Variants in SLC25A46 observed in about 807,000 individuals in gnomAD.
The protein encoded by SLC25A46 is solute carrier family 25 member 46.
In SLC25A46, 39 loss-of-function variants were observed where a neutral mutation model predicts 44.6. That is an observed-to-expected ratio of 0.87 (90% CI 0.68 to 1.14). The LOEUF is 1.14. Among genes scored for constraint, SLC25A46 ranks in the 50% most tolerant of loss-of-function variants. The probability of loss-of-function intolerance (pLI) is 0.00; values close to 1 mark genes in which losing one functional copy is unlikely to be tolerated. For missense variants in SLC25A46, 547 were observed against 522.7 expected (o/e 1.05, Z -0.45); for synonymous variants, 202 against 185.8 (o/e 1.09, Z -0.71).
At chr5:110,752,986 G>C (rs1300458865) in intron 5 of SLC25A46, among the ~76,000 whole-genome samples, 1 of 152,142 alleles carries the variant, frequency 6.6e-6, no homozygotes, top group Non-Finnish European at 1.5e-5. Context: ...GGAGAGACCA[G>C]AAGGCAGGAT....
chr5:110,742,779 C>T (rs244411), intron 2 of SLC25A46, among the ~76,000 whole-genome samples: 129,381 of 151,994 alleles, frequency 0.85, 55,513 homozygotes, highest in East Asian at 0.92. Flanking sequence ...AGATTTTGTT[C>T]ATAATCAGCG....
chr5:110,741,206 T>C (rs756092515), intron 1 of SLC25A46, among the ~76,000 whole-genome samples: 3 of 152,198 alleles, frequency 2.0e-5, no homozygotes, highest in Non-Finnish European at 4.4e-5. Context: ...GGGGTTGTAA[T>C]AGTTCACCAC....
rs571078471 is a variant in SLC25A46, at chr5:110,761,382, T to A, written c.857T>A (p.Val286Asp). ...ATCAGCTCAGTTATTCAGAAGTTTG[T>A]CCTACTAATTCTAAAGAGAAAGACT... ...YIISSVIQKF[V>D]LLILKRKTYN... is the part of the protein sequence containing the mutation. The change falls in exon 8 of 8, where the codon GTC (valine) becomes GAC (aspartate). Residue 286 changes from valine to aspartate, a missense_variant. Coordinates refer to ENST00000355943, the MANE Select transcript of SLC25A46 (RefSeq NM_138773.4). This position sits in a 1 kb window ranked among gnomAD's most constrained non-coding sequence, Gnocchi z 5.3. The A allele has an allele frequency of 6.2e-7, 1 of 1,613,746 alleles. No homozygotes were observed. The highest frequency in any genetic ancestry group is 8.5e-7 in the Non-Finnish European group (1 of 1,179,784).
rs780651975 is a variant in SLC25A46, at chr5:110,761,341, A to G, written c.816A>G (p.Gly272=). 2.5e-6 allele frequency: 4 copies of G among 1,613,666 alleles called. No individual in the cohort carries two copies. The South Asian group carries it at 4.4e-5, about 18-fold the overall frequency. The change falls in exon 8 of 8, where the codon GGA becomes GGG. Residue 272 remains glycine, a synonymous_variant. Coordinates refer to ENST00000355943, the MANE Select transcript of SLC25A46 (RefSeq NM_138773.4). This position sits in a 1 kb window ranked among gnomAD's most constrained non-coding sequence, Gnocchi z 5.3. ...LSLIFPTVLH[G]VLHYIISSVI... The stretch of plus-strand genomic sequence containing the variant: ...TGATCTTCCCTACGGTGCTTCATGG[A>G]GTTCTTCATTACATCATCAGCTCAG...
intron 5 of SLC25A46, among the ~76,000 whole-genome samples, chr5:110,752,768 A>C (rs1463648172): frequency 3.9e-5 from 6 of 152,140 alleles, no homozygotes. Flanking sequence ...ATCCAGATGG[A>C]GTTGTCTGTA....
chr5:110,755,833 A>T (rs1800097630), intron 6 of SLC25A46, among the ~76,000 whole-genome samples: 1 of 152,202 alleles, frequency 6.6e-6, no homozygotes. Context: ...TAACTATTTT[A>T]TTGTTAATCA....
intron 7 of SLC25A46, among the ~76,000 whole-genome samples, chr5:110,760,827 G>T (rs1207728480): frequency 6.6e-6 from 1 of 152,054 alleles, no homozygotes; most frequent in Non-Finnish European, 1.5e-5. Flanking sequence ...CTTGACAATG[G>T]TTACATAGCC....
At chr5:110,757,276 A>C (rs72774803) in intron 7 of SLC25A46, among the ~76,000 whole-genome samples, 12,200 of 152,160 alleles carry the variant, frequency 0.08, 607 homozygotes, top group South Asian at 0.21. Context: ...TTCTGCTAGC[A>C]CTTGAAATTC....
chr5:110,756,719 C>T lies in SLC25A46; in HGVS notation c.638C>T (p.Ala213Val). 6.4e-7 allele frequency: 1 copy of T among 1,571,454 alleles called. No homozygotes were observed. The highest frequency in any genetic ancestry group is 8.6e-7 in the Non-Finnish European group (1 of 1,165,124). ...LLLKSLTYVV[A>V]MPFYSASLIE... is the part of the protein sequence containing the mutation. ...TTCTATAGCCTAACTTACGTGGTGG[C>T]AATGCCTTTTTATTCAGCAAGTCTG... The change falls in exon 7 of 8, where the codon GCA becomes GTA. Residue 213 changes from alanine (A) to valine (V), a missense_variant. Coordinates refer to ENST00000355943, the MANE Select transcript of SLC25A46 (RefSeq NM_138773.4).
At position 110,748,173 on chromosome 5, in the gene SLC25A46, C is replaced by G; in HGVS notation, c.473C>G (p.Ala158Gly). Reference protein sequence around the residue: ...YSFNKTQGPRALWKGMGSTFI... With the variant: ...YSFNKTQGPRGLWKGMGSTFI... The stretch of plus-strand genomic sequence containing the variant: ...TTTTGTTCAATTTAGGGACCTAGAG[C>G]CCTGTGGAAAGGAATGGGAAGTACA... The change falls in exon 5 of 8, where the codon GCC (alanine) becomes GGC (glycine). Residue 158 changes from alanine (A) to glycine (G), a missense_variant. Transcript: ENST00000355943. 1 of 1,612,458 alleles carries G rather than the reference C, an allele frequency of 6.2e-7. No individual in the cohort carries two copies. Among genetic ancestry groups the G allele is most frequent in the Non-Finnish European group, 8.5e-7 (1 of 1,178,790 alleles).
Position 110,761,329 on chromosome 5 carries a change from G to A in SLC25A46, c.804G>A (p.Thr268=), listed in dbSNP as rs757342761. Residue 268 remains threonine, a synonymous_variant, in exon 8 of 8, where the codon ACG becomes ACA. Coordinates refer to ENST00000355943, the MANE Select transcript of SLC25A46 (RefSeq NM_138773.4). The surrounding 1 kb of genome is among the most constrained non-coding windows in gnomAD (Gnocchi z 5.3). ...LLPLLSLIFP[T]VLHGVLHYII... ...CGCTTCTTTCCTTGATCTTCCCTAC[G>A]GTGCTTCATGGAGTTCTTCATTACA... The A allele has an allele frequency of 3.3e-5, 54 of 1,613,550 alleles. No homozygotes were observed. Among genetic ancestry groups the A allele is most frequent in the South Asian group, 2.6e-4 (24 of 91,076 alleles).
At chr5:110,750,814 AG>A (rs1186002406) in intron 5 of SLC25A46, among the ~76,000 whole-genome samples, 2 of 152,288 alleles carry the variant, frequency 1.3e-5, no homozygotes, top group African/African-American at 4.8e-5. Flanking sequence ...CTATTGGTTC[AG>A]GTCCTGGCTA....
chr5:110,742,819 C>A (rs1194153213), intron 2 of SLC25A46, among the ~76,000 whole-genome samples: 1 of 151,906 alleles, frequency 6.6e-6, no homozygotes, highest in Non-Finnish European at 1.5e-5. Context: ...TTTTTTATAT[C>A]TAACGATCAT....
intron 6 of SLC25A46, chr5:110,756,029 C>T (rs1474015300): frequency 2.6e-5 from 4 of 152,046 alleles, no homozygotes; most frequent in Non-Finnish European, 5.9e-5. Context: ...CTTGCTGGCT[C>T]CCTCAGTGGG....
intron 1 of SLC25A46, among the ~76,000 whole-genome samples, chr5:110,739,760 T>G (rs1213971056): frequency 6.6e-6 from 1 of 151,362 alleles, no homozygotes; most frequent in Non-Finnish European, 1.5e-5. Flanking sequence ...ATTAATTAAT[T>G]AATGTGTTTA....
In SLC25A46 at chr5:110,761,490, C is replaced by T. The variant is rs759534592; in HGVS notation, c.965C>T (p.Ala322Val). The change falls in exon 8 of 8, where the codon GCT (alanine) becomes GTT (valine). Residue 322 changes from alanine (A) to valine (V), a missense_variant. Physicochemically the swap from Ala to Val is moderately conservative, Grantham distance 64 (BLOSUM62 0). Coordinates refer to ENST00000355943, the MANE Select transcript of SLC25A46 (RefSeq NM_138773.4). The surrounding 1 kb of genome is among the most constrained non-coding windows in gnomAD (Gnocchi z 5.3). ...TTTCCAGAACTTATTGCTAACTTTG[C>T]TGCCAGTCTTTGTTCTGACGTTATA... The part of the protein sequence containing the change: ...AYFPELIANF[A>V]ASLCSDVILY... 1.2e-6 allele frequency: 2 copies of T among 1,613,822 alleles called. No individual in the cohort carries two copies. The highest frequency in any genetic ancestry group is 1.1e-5 in the South Asian group (1 of 91,084).
At position 110,739,239 on chromosome 5, in the gene SLC25A46, C is replaced by G; in HGVS notation, c.120C>G (p.Gly40=). Reference sequence around the variant, plus strand: ...CCTTCAGCACCGGGTCGGACCTGGGCCACTGGGTGACGACTCCCCCAGATA... The same window carrying G: ...CCTTCAGCACCGGGTCGGACCTGGGGCACTGGGTGACGACTCCCCCAGATA... The part of the protein sequence containing the change: ...ARSFSTGSDL[G]HWVTTPPDIP... The change falls in exon 1 of 8, where the codon GGC becomes GGG. Residue 40 remains glycine, a synonymous_variant. Transcript: ENST00000355943. 6.3e-7 allele frequency: 1 copy of G among 1,581,222 alleles called. No homozygotes were observed. Among genetic ancestry groups the G allele is most frequent in the Non-Finnish European group, 8.6e-7 (1 of 1,164,358 alleles).
At position 110,739,027 on chromosome 5, in the gene SLC25A46, C is replaced by T; in HGVS notation, c.-93C>T. ...TTGTCAGAATTTACCCCTGACGCGG[C>T]GGCGGCCGACGGGAAGCTGTGTGTG... On this transcript the variant is annotated 5_prime_UTR_variant, in exon 1 of 8. Transcript: ENST00000355943. 1.3e-6 allele frequency: 2 copies of T among 1,487,140 alleles called. No individual in the cohort carries two copies. Among genetic ancestry groups the T allele is most frequent in the African/African-American group, 1.4e-5 (1 of 70,310 alleles). The allele number at this position is 1,487,140 out of a possible 1,614,324, so 92.1% of individuals were successfully genotyped here.
At position 110,761,845 on chromosome 5, in the gene SLC25A46, T is replaced by C; in HGVS notation, c.*63T>C. ...ATCTGGATAATTTGCTATGAAGTTA[T>C]GAGGGATACAAGTGAAATACTGGGG... On this transcript the variant is annotated 3_prime_UTR_variant, in exon 8 of 8. Transcript: ENST00000355943. The surrounding 1 kb of genome is among the most constrained non-coding windows in gnomAD (Gnocchi z 5.3). 1 of 1,349,266 alleles carries C rather than the reference T, an allele frequency of 7.4e-7. No individual in the cohort carries two copies. The highest frequency in any genetic ancestry group is 1.0e-6 in the Non-Finnish European group (1 of 994,950). 83.6% of individuals were successfully genotyped at this position (1,349,266 alleles called of 1,614,324 possible).
Sources: gnomAD v4.1 joint callset for allele counts (sites outside exome capture counted in the v4.1 genomes callset) on GRCh38, gnomAD v4.1.1 for gene constraint, Gnocchi (gnomAD v3.1) non-coding constraint, MANE v1.5 for transcripts, NCBI Gene and HGNC (gene_info 2026-07-23, HGNC 2026-07-21) for gene names.